COL25A1: variants seen among roughly 807,000 people sequenced by gnomAD.
The protein encoded by COL25A1 is collagen type XXV alpha 1 chain.
In COL25A1, 103 loss-of-function variants were observed where a neutral mutation model predicts 128.4. The observed-to-expected ratio is 0.80, with a 90% CI of 0.68 to 0.94. The LOEUF (loss-of-function observed/expected upper bound fraction) is 0.94. Ranked by LOEUF, COL25A1 falls within the 40% of genes least tolerant of loss-of-function variation. The pLI is 0.00. For missense variants in COL25A1, 745 were observed against 840.0 expected (o/e 0.89, Z 1.40); for synonymous variants, 279 against 277.2 (o/e 1.01, Z -0.06).
intron 8 of COL25A1, among the ~76,000 whole-genome samples, chr4:108,966,687 T>C (rs1052319971): frequency 6.6e-6 from 1 of 151,728 alleles, no homozygotes; most frequent in Admixed American, 6.6e-5. Flanking sequence ...CTGTCTCTAC[T>C]AAAAATTAAA....
intron 14 of COL25A1, among the ~76,000 whole-genome samples, chr4:108,899,930 G>A (rs1742628505): frequency 6.6e-6 from 1 of 152,088 alleles, no homozygotes; most frequent in East Asian, 1.9e-4. Flanking sequence ...GAGCAGGAGA[G>A]TAGGAGTCCT....
At chr4:108,860,477 A>T in intron 23 of COL25A1, among the ~76,000 whole-genome samples, 1 of 152,218 alleles carries the variant, frequency 6.6e-6, no homozygotes, top group East Asian at 1.9e-4. Context: ...ATTAAACAAA[A>T]TAGGGAACAA....
intron 11 of COL25A1, among the ~76,000 whole-genome samples, chr4:108,932,956 A>C (rs919162952): frequency 1.3e-5 from 2 of 152,210 alleles, no homozygotes; most frequent in Non-Finnish European, 2.9e-5. Context: ...AAATTTATTT[A>C]AGTGCAAAAT....
intron 3 of COL25A1, among the ~76,000 whole-genome samples, chr4:109,282,887 G>A (rs530764878): frequency 6.6e-6 from 1 of 152,212 alleles, no homozygotes; most frequent in South Asian, 2.1e-4. Flanking sequence ...TACATAAAAG[G>A]CTCTGATGAA....
At chr4:109,082,234 T>C (rs1417413297) in intron 3 of COL25A1, among the ~76,000 whole-genome samples, 1 of 152,246 alleles carries the variant, frequency 6.6e-6, no homozygotes, top group Non-Finnish European at 1.5e-5. Flanking sequence ...CTGTTTATAC[T>C]GGTTAGCTGT....
chr4:109,184,222 T>G (rs1774928984), intron 3 of COL25A1, among the ~76,000 whole-genome samples: 1 of 152,206 alleles, frequency 6.6e-6, no homozygotes, highest in Non-Finnish European at 1.5e-5. Flanking sequence ...TTTACTTTGT[T>G]GCTAAATGAA....
chr4:109,261,625 A>G (rs1312275034), intron 3 of COL25A1, among the ~76,000 whole-genome samples: 1 of 152,194 alleles, frequency 6.6e-6, no homozygotes, highest in Non-Finnish European at 1.5e-5. Flanking sequence ...TGGTGCTCCC[A>G]TAGCAGATTA....
At chr4:109,105,187 C>T (rs2126028668) in intron 3 of COL25A1, among the ~76,000 whole-genome samples, 1 of 152,192 alleles carries the variant, frequency 6.6e-6, no homozygotes, top group South Asian at 2.1e-4. Context: ...TAAAAAGATT[C>T]TAGGCTGGGC....
At chr4:109,057,421 A>ATTTTTTT (rs776941019) in intron 3 of COL25A1, among the ~76,000 whole-genome samples, 216 of 20,188 alleles carry the variant, frequency 0.011, 30 homozygotes, top group African/African-American at 0.017. Context: ...TGCCTAGCTA[A>ATTTTTTT]TTTTTTTTTT....
intron 15 of COL25A1, among the ~76,000 whole-genome samples, chr4:108,896,980 A>G (rs1235022382): frequency 6.6e-6 from 1 of 152,188 alleles, no homozygotes; most frequent in Non-Finnish European, 1.5e-5. Flanking sequence ...TTGGGCACTT[A>G]AAGCCTTCTT....
intron 13 of COL25A1, among the ~76,000 whole-genome samples, chr4:108,907,762 G>A (rs1030275621): frequency 1.3e-5 from 2 of 151,902 alleles, no homozygotes; most frequent in Admixed American, 6.6e-5. Flanking sequence ...CAATTTTATC[G>A]TTTCTTTTCT....
chr4:109,259,906 T>C (rs7672849), intron 3 of COL25A1, among the ~76,000 whole-genome samples: 76,476 of 152,012 alleles, frequency 0.5, 21,767 homozygotes, highest in African/African-American at 0.76. Context: ...TAGCCAGAGG[T>C]TGCCCTATCA....
intron 3 of COL25A1, among the ~76,000 whole-genome samples, chr4:109,190,748 A>G (rs1775539266): frequency 6.6e-6 from 1 of 152,218 alleles, no homozygotes; most frequent in Non-Finnish European, 1.5e-5. Flanking sequence ...GAAGAGGCTA[A>G]ATATTCTAAA....
intron 8 of COL25A1, 49 bp from the exon 9 acceptor site, chr4:108,941,486 TGAA>T (rs771578041): frequency 2.2e-6 from 3 of 1,355,744 alleles, no homozygotes; most frequent in East Asian, 2.3e-5. Context: ...ATGAGAGAGT[TGAA>T]GAATAGACAT....
At chr4:109,269,636 G>A (rs1270829785) in intron 3 of COL25A1, among the ~76,000 whole-genome samples, 1 of 151,370 alleles carries the variant, frequency 6.6e-6, no homozygotes, top group African/African-American at 2.4e-5. Flanking sequence ...TAACTGGTGT[G>A]AGATGGTATC....
intron 6 of COL25A1, among the ~76,000 whole-genome samples, chr4:108,980,987 C>T (rs1174747591): frequency 1.3e-5 from 2 of 152,188 alleles, no homozygotes; most frequent in Non-Finnish European, 2.9e-5. Context: ...AATTCTACTG[C>T]CTACTCCCTA....
intron 31 of COL25A1, chr4:108,838,021 A>G: frequency 1.0e-6 from 1 of 981,028 alleles, no homozygotes; most frequent in Non-Finnish European, 1.6e-6. Flanking sequence ...CGAGCTGCTG[A>G]GTAAACCAGA....
chr4:108,983,032 G>A (rs1194111937), intron 6 of COL25A1, among the ~76,000 whole-genome samples: 1 of 152,166 alleles, frequency 6.6e-6, no homozygotes. Context: ...AGGAATCAGG[G>A]ACGCTCTCTC....
At chr4:109,136,761 C>T (rs567935309) in intron 3 of COL25A1, among the ~76,000 whole-genome samples, 3 of 152,246 alleles carry the variant, frequency 2.0e-5, no homozygotes, top group Non-Finnish European at 2.9e-5. Flanking sequence ...CTGGTGCAGT[C>T]GTCAGCCCTT....
Sources: gnomAD v4.1 joint callset for allele counts (sites outside exome capture counted in the v4.1 genomes callset) on GRCh38, gnomAD v4.1.1 for gene constraint, MANE v1.5 for transcripts, NCBI Gene and HGNC (gene_info 2026-07-23, HGNC 2026-07-21) for gene names.